The following SH2D4B variants were observed in gnomAD, a reference collection of about 807,000 sequenced individuals.
SH2D4B encodes SH2 domain-containing protein 4B.
A neutral mutation model predicts 61.5 loss-of-function variants in SH2D4B; 45 were observed. The ratio of observed to expected loss-of-function variants is 0.73; its 90% CI spans 0.58 to 0.94. The LOEUF (loss-of-function observed/expected upper bound fraction) is 0.94, where lower values mean the gene tolerates loss of function less well. Ranked by LOEUF, SH2D4B falls within the 40% of genes least tolerant of loss-of-function variation. The pLI is 0.00. For missense variants in SH2D4B, 572 were observed against 574.2 expected, an observed-to-expected ratio of 1.00 and a Z score of 0.04; for synonymous variants, 224 against 220.4, an observed-to-expected ratio of 1.02 and a Z score of -0.14.
At chr10:80,595,139 GT>G (rs1842371325) in intron 4 of SH2D4B, among the ~76,000 whole-genome samples, 1 of 152,212 alleles carries the variant, frequency 6.6e-6, no homozygotes, top group Non-Finnish European at 1.5e-5. Flanking sequence ...CAGCATTGAT[GT>G]CTCAATCAGA....
chr10:80,603,469 C>A, intron 4 of SH2D4B, 110 bp from the exon 5 acceptor site: 2 of 1,009,154 alleles, frequency 2.0e-6, no homozygotes, highest in Non-Finnish European at 2.8e-6. Flanking sequence ...CGATTTTTTG[C>A]CACTACATTG....
At chr10:80,605,675 C>T (rs1017198111) in intron 5 of SH2D4B, among the ~76,000 whole-genome samples, 1 of 152,138 alleles carries the variant, frequency 6.6e-6, no homozygotes, top group Non-Finnish European at 1.5e-5. Flanking sequence ...CGTGCCATCA[C>T]ACCCGGCTAA....
intron 4 of SH2D4B, among the ~76,000 whole-genome samples, chr10:80,596,321 T>G (rs1842385184): frequency 6.6e-6 from 1 of 152,136 alleles, no homozygotes; most frequent in South Asian, 2.1e-4. Flanking sequence ...CTCACTAAAT[T>G]CATCTGAATG....
chr10:80,632,735 G>T (rs116064894), intron 6 of SH2D4B, among the ~76,000 whole-genome samples: 1 of 152,044 alleles, frequency 6.6e-6, no homozygotes, highest in Admixed American at 6.5e-5. Flanking sequence ...TTTCCCTTCC[G>T]GTCCTCTTTT....
intron 1 of SH2D4B, among the ~76,000 whole-genome samples, chr10:80,547,417 T>C (rs1589330133): frequency 6.6e-6 from 1 of 152,220 alleles, no homozygotes; most frequent in African/African-American, 2.4e-5. Flanking sequence ...TTGATTCCCT[T>C]GGACTATCTA....
chr10:80,540,714 T>C (rs1841566198), intron 1 of SH2D4B: 2 of 930,108 alleles, frequency 2.2e-6, no homozygotes, highest in African/African-American at 1.6e-5. Flanking sequence ...CCAGCATTAC[T>C]ATGTGCTGAT....
At chr10:80,576,251 G>C (rs1159494784) in intron 3 of SH2D4B, among the ~76,000 whole-genome samples, 1 of 152,246 alleles carries the variant, frequency 6.6e-6, no homozygotes, top group Non-Finnish European at 1.5e-5. Flanking sequence ...CATTTGGCCA[G>C]ACTCTCATGT....
At chr10:80,600,005 C>A (rs776212998) in intron 4 of SH2D4B, among the ~76,000 whole-genome samples, 1 of 152,312 alleles carries the variant, frequency 6.6e-6, no homozygotes, top group Non-Finnish European at 1.5e-5. Flanking sequence ...GCTTCTTTAT[C>A]TCACAGTAAA....
intron 1 of SH2D4B, among the ~76,000 whole-genome samples, chr10:80,540,390 G>A (rs894010206): frequency 1.3e-5 from 2 of 152,186 alleles, no homozygotes; most frequent in Non-Finnish European, 2.9e-5. Flanking sequence ...TTCATGTCCT[G>A]GGGTCGTGAT....
intron 1 of SH2D4B, among the ~76,000 whole-genome samples, chr10:80,556,919 G>A (rs543703541): frequency 6.6e-6 from 1 of 151,880 alleles, no homozygotes; most frequent in African/African-American, 2.4e-5. Context: ...TACTGATTAG[G>A]GTCTTCAGTC....
chr10:80,646,151 C>T lies in SH2D4B; in HGVS notation c.*2066C>T, dbSNP rs1456341081. 1 of 152,586 alleles carries T rather than the reference C, an allele frequency of 6.6e-6. No individual in the cohort carries two copies. Among genetic ancestry groups the T allele is most frequent in the East Asian group, 1.9e-4 (1 of 5,206 alleles). 9.5% of individuals were successfully genotyped at this position (152,586 alleles called of 1,614,324 possible). On this transcript the variant is annotated 3_prime_UTR_variant, in exon 8 of 8. Coordinates refer to ENST00000646907, the MANE Select transcript of SH2D4B (RefSeq NM_001388272.1). ...CTCTGTCCAAATGAAAAAGGTATTT[C>T]TAACAACAACCACAATAACAATAAC...
At chr10:80,585,696 G>A (rs1181136853) in intron 3 of SH2D4B, among the ~76,000 whole-genome samples, 2 of 152,174 alleles carry the variant, frequency 1.3e-5, no homozygotes, top group East Asian at 3.8e-4. Flanking sequence ...CTTTCTTTCT[G>A]AGAGGTGACA....
At chr10:80,555,559 G>C (rs1841822862) in intron 1 of SH2D4B, among the ~76,000 whole-genome samples, 1 of 152,188 alleles carries the variant, frequency 6.6e-6, no homozygotes, top group Admixed American at 6.5e-5. Context: ...GTGGGAGTCT[G>C]ATTGGTCTAG....
chr10:80,551,963 A>G (rs879737697), intron 1 of SH2D4B, among the ~76,000 whole-genome samples: 4 of 152,208 alleles, frequency 2.6e-5, no homozygotes, highest in Non-Finnish European at 4.4e-5. Flanking sequence ...CTGGATGCCA[A>G]TGGCTGACTT....
At chr10:80,567,960 C>G (rs1841991986) in intron 1 of SH2D4B, among the ~76,000 whole-genome samples, 2 of 152,184 alleles carry the variant, frequency 1.3e-5, no homozygotes, top group South Asian at 2.1e-4. Flanking sequence ...GTAACAACAT[C>G]TAAAATTCTT....
intron 1 of SH2D4B, among the ~76,000 whole-genome samples, chr10:80,541,779 C>T (rs754009707): frequency 2.0e-5 from 3 of 152,120 alleles, no homozygotes; most frequent in Non-Finnish European, 2.9e-5. Flanking sequence ...GAATCATTCT[C>T]GTTTACAGAA....
At chr10:80,615,183 A>G (rs555019682) in intron 6 of SH2D4B, among the ~76,000 whole-genome samples, 2 of 152,200 alleles carry the variant, frequency 1.3e-5, no homozygotes, top group Non-Finnish European at 2.9e-5. Context: ...GACCTTTGCC[A>G]TCCTCGGGCT....
intron 1 of SH2D4B, among the ~76,000 whole-genome samples, chr10:80,551,017 A>G (rs1236618399): frequency 6.6e-6 from 1 of 152,218 alleles, no homozygotes; most frequent in Non-Finnish European, 1.5e-5. Context: ...CACAACAAGG[A>G]AAAGAAAAAG....
intron 4 of SH2D4B, among the ~76,000 whole-genome samples, chr10:80,590,218 A>G (rs1185643854): frequency 6.6e-6 from 1 of 152,188 alleles, no homozygotes; most frequent in South Asian, 2.1e-4. Flanking sequence ...GTAAATAACT[A>G]AACTGAGCTC....
Sources: gnomAD v4.1 joint callset for allele counts (sites outside exome capture counted in the v4.1 genomes callset) on GRCh38, gnomAD v4.1.1 for gene constraint, MANE v1.5 for transcripts, NCBI Gene and HGNC (gene_info 2026-07-23, HGNC 2026-07-21) for gene names.